Variants in TCAIM observed in about 807,000 individuals in gnomAD.
The protein encoded by TCAIM is T cell activation inhibitor, mitochondrial.
A neutral mutation model predicts 58.6 loss-of-function variants in TCAIM; 36 were observed. The ratio of observed to expected loss-of-function variants is 0.61; its 90% CI spans 0.47 to 0.81. TCAIM has a LOEUF of 0.81. Ranked by LOEUF, TCAIM falls within the 30% of genes least tolerant of loss-of-function variation. TCAIM has a pLI of 0.00. For synonymous variants in TCAIM, 172 were observed against 193.6 expected, an observed-to-expected ratio of 0.89 and a Z score of 0.93; for missense variants, 466 against 579.6, an observed-to-expected ratio of 0.80 and a Z score of 2.01.
intron 8 of TCAIM, among the ~76,000 whole-genome samples, chr3:44,398,509 T>A (rs952285053): frequency 6.7e-6 from 1 of 149,886 alleles, no homozygotes; most frequent in Non-Finnish European, 1.5e-5. Flanking sequence ...AAAACCATAG[T>A]GCATTATCAC....
At chr3:44,385,585 CA>C (rs994543527) in intron 5 of TCAIM, among the ~76,000 whole-genome samples, 2 of 151,522 alleles carry the variant, frequency 1.3e-5, no homozygotes, top group Non-Finnish European at 3.0e-5. Flanking sequence ...ACTAAAAATA[CA>C]AAAAAAATTA....
intron 5 of TCAIM, among the ~76,000 whole-genome samples, chr3:44,385,122 G>A (rs113731633): frequency 5.9e-5 from 9 of 152,098 alleles, no homozygotes; most frequent in African/African-American, 2.2e-4. Flanking sequence ...AGATACACTT[G>A]GATTACTTAC....
intron 1 of TCAIM, among the ~76,000 whole-genome samples, chr3:44,347,015 GATGGTAAA>G (rs1183973231): frequency 6.6e-6 from 1 of 152,160 alleles, no homozygotes; most frequent in Non-Finnish European, 1.5e-5. Flanking sequence ...GTTTAGTCAG[GATGGTAAA>G]ACTAGGTATC....
intron 3 of TCAIM, chr3:44,358,484 C>T: frequency 2.0e-6 from 1 of 501,136 alleles, no homozygotes. Flanking sequence ...CTGTACTACA[C>T]ATGAACAAAC....
intron 1 of TCAIM, among the ~76,000 whole-genome samples, chr3:44,341,663 C>T (rs1330955489): frequency 1.3e-5 from 2 of 152,120 alleles, no homozygotes; most frequent in Non-Finnish European, 2.9e-5. Flanking sequence ...AATATGTTAT[C>T]TGACATTAGA....
intron 6 of TCAIM, among the ~76,000 whole-genome samples, chr3:44,396,027 G>A (rs1267113357): frequency 6.6e-6 from 1 of 152,236 alleles, no homozygotes; most frequent in Non-Finnish European, 1.5e-5. Flanking sequence ...ACTGGAATTC[G>A]TAGTTGGAAC....
At chr3:44,400,740 C>A (rs1702010236) in intron 9 of TCAIM, 153 bp downstream of exon 9, 3 of 658,540 alleles carry the variant, frequency 4.6e-6, no homozygotes, top group South Asian at 3.7e-5. Context: ...CTTCTACACA[C>A]TAGAAAAGCC....
chr3:44,400,875 C>T (rs1702011784), intron 9 of TCAIM: 2 of 489,750 alleles, frequency 4.1e-6, no homozygotes, highest in Admixed American at 3.7e-5. Flanking sequence ...AAATCAGTAG[C>T]CAACATTTGT....
chr3:44,362,364 G>A lies in TCAIM; in HGVS notation c.319+846G>A, dbSNP rs979896497. ...AATGAAAGAGTTGGAGAACTGTGTA[G>A]AGGCCACTCACATGGAAGATCCCTA... On this transcript the variant is annotated intron_variant, in intron 4 of 10. Transcript: ENST00000342649. 3 of 400,724 alleles carry A rather than the reference G, an allele frequency of 7.5e-6. No individual in the cohort carries two copies. In the East Asian group the frequency reaches 1.1e-4, roughly 14 times the overall value. 24.8% of individuals were successfully genotyped at this position (400,724 alleles called of 1,614,324 possible). A position where few individuals can be genotyped will look rare whatever the true frequency, so the allele number is the denominator to read the frequency against.
In TCAIM at chr3:44,402,250, A is replaced by G. The variant is rs141730456; in HGVS notation, c.1250+916A>G. ...TGAAACCCTGGGCAATATGGTGGGG[A>G]AAAAAAAAAAAAATTAGCCAGGCAT... On this transcript the variant is annotated intron_variant, in intron 10 of 10. Coordinates refer to ENST00000342649, the MANE Select transcript of TCAIM (RefSeq NM_173826.4). 1.3e-4 allele frequency among the ~76,000 whole-genome samples: 18 copies of G among 143,170 alleles called. No homozygotes were observed. The East Asian group carries it at 1.4e-3, about 11-fold the overall frequency. 93.9% of individuals were successfully genotyped at this position (143,170 alleles called of 152,430 possible). A position where few individuals can be genotyped will look rare whatever the true frequency, so the allele number is the denominator to read the frequency against.
chr3:44,356,956 G>A (rs1004395452), intron 2 of TCAIM, among the ~76,000 whole-genome samples: 1 of 151,984 alleles, frequency 6.6e-6, no homozygotes, highest in Non-Finnish European at 1.5e-5. Context: ...ACTCCAGCCT[G>A]GGCAACAGAG....
At chr3:44,384,715 T>C (rs1701707812) in intron 5 of TCAIM, among the ~76,000 whole-genome samples, 1 of 152,238 alleles carries the variant, frequency 6.6e-6, no homozygotes, top group Non-Finnish European at 1.5e-5. Flanking sequence ...ACATTCATTT[T>C]TCTCTAGACT....
chr3:44,360,317 A>G (rs1022574935), intron 3 of TCAIM, among the ~76,000 whole-genome samples: 9 of 151,914 alleles, frequency 5.9e-5, no homozygotes, highest in African/African-American at 2.2e-4. Context: ...TGTTCAGTTC[A>G]GTCTTCTTCC....
chr3:44,353,935 G>A (rs1424016402), intron 1 of TCAIM, among the ~76,000 whole-genome samples: 3 of 152,156 alleles, frequency 2.0e-5, no homozygotes, highest in African/African-American at 7.2e-5. Flanking sequence ...TTTTACTGAA[G>A]TCCAGCTTAC....
At chr3:44,380,337 G>C (rs1380203882) in intron 5 of TCAIM, among the ~76,000 whole-genome samples, 1 of 152,058 alleles carries the variant, frequency 6.6e-6, no homozygotes, top group African/African-American at 2.4e-5. Flanking sequence ...CAATTACACT[G>C]ATTTTTTACA....
chr3:44,372,824 G>A (rs2125641070), intron 5 of TCAIM, among the ~76,000 whole-genome samples: 1 of 152,126 alleles, frequency 6.6e-6, no homozygotes, highest in Admixed American at 6.5e-5. Context: ...TTGATCTCCT[G>A]ACCTCATGAT....
intron 5 of TCAIM, among the ~76,000 whole-genome samples, chr3:44,374,102 T>C (rs1301666028): frequency 6.6e-6 from 1 of 152,214 alleles, no homozygotes; most frequent in East Asian, 1.9e-4. Context: ...AATACCATGT[T>C]GGACACCTAC....
At chr3:44,348,366 G>A (rs965440716) in intron 1 of TCAIM, among the ~76,000 whole-genome samples, 5 of 152,018 alleles carry the variant, frequency 3.3e-5, no homozygotes, top group East Asian at 1.9e-4. Flanking sequence ...AACAGCTCCC[G>A]GGCAAGTTGG....
chr3:44,365,946 G>C (rs1366517633), intron 4 of TCAIM, among the ~76,000 whole-genome samples: 1 of 152,210 alleles, frequency 6.6e-6, no homozygotes, highest in Non-Finnish European at 1.5e-5. Context: ...AAAGTTGTAT[G>C]CCTGCTAACA....
Sources: gnomAD v4.1 joint callset for allele counts (sites outside exome capture counted in the v4.1 genomes callset) on GRCh38, gnomAD v4.1.1 for gene constraint, MANE v1.5 for transcripts, NCBI Gene and HGNC (gene_info 2026-07-23, HGNC 2026-07-21) for gene names.